PKNOX2: variants seen among roughly 807,000 people sequenced by gnomAD.
The protein encoded by PKNOX2 is PBX/knotted 1 homeobox 2.
Under a neutral mutation model 53.1 loss-of-function variants are expected in PKNOX2, and 14 were observed. That is an observed-to-expected ratio of 0.26 (90% confidence interval 0.17 to 0.41). The LOEUF (loss-of-function observed/expected upper bound fraction) is 0.41, where lower values mean the gene tolerates loss of function less well. Ranked by LOEUF, PKNOX2 falls within the 10% of genes least tolerant of loss-of-function variation. The pLI, the probability that PKNOX2 is intolerant of heterozygous loss-of-function variation, is 1.00. For synonymous variants in PKNOX2, 257 were observed against 242.8 expected, an observed-to-expected ratio of 1.06 and a Z score of -0.54; for missense variants, 496 against 602.8, an observed-to-expected ratio of 0.82 and a Z score of 1.85.
chr11:125,396,948 T>C (rs1954445460), intron 6 of PKNOX2, among the ~76,000 whole-genome samples: 1 of 152,234 alleles, frequency 6.6e-6, no homozygotes, highest in African/African-American at 2.4e-5. Flanking sequence ...TGCACAAGGT[T>C]ATTGAAACTA....
At chr11:125,362,531 A>T (rs1023115333) in intron 4 of PKNOX2, among the ~76,000 whole-genome samples, 33 of 151,982 alleles carry the variant, frequency 2.2e-4, no homozygotes, top group Non-Finnish European at 4.0e-4. Flanking sequence ...CACCGCATCC[A>T]GCCAATTTAT....
intron 2 of PKNOX2, among the ~76,000 whole-genome samples, chr11:125,293,084 C>T (rs577596636): frequency 6.6e-6 from 1 of 152,196 alleles, no homozygotes; most frequent in Admixed American, 6.5e-5. Context: ...CTTGTATATG[C>T]ATAGAATCTC....
At chr11:125,272,559 T>C in intron 2 of PKNOX2, among the ~76,000 whole-genome samples, 1 of 152,140 alleles carries the variant, frequency 6.6e-6, no homozygotes, top group East Asian at 1.9e-4. Context: ...TTCCGTGCCC[T>C]CTCTCCCCTT....
chr11:125,321,176 T>G (rs1949495597), intron 2 of PKNOX2, among the ~76,000 whole-genome samples: 1 of 152,222 alleles, frequency 6.6e-6, no homozygotes, highest in Non-Finnish European at 1.5e-5. Flanking sequence ...AAGTGGAATC[T>G]GTATAGGAGA....
At position 125,241,787 on chromosome 11, in the gene PKNOX2, G is replaced by A. The variant is rs1036762933; in HGVS notation, c.-130+6672G>A. 7.2e-5 allele frequency among the ~76,000 whole-genome samples: 11 copies of A among 152,280 alleles called. No individual in the cohort carries two copies. In the East Asian group the frequency reaches 2.1e-3, roughly 29 times the overall value. The stretch of plus-strand genomic sequence containing the variant: ...GGAGAATTGCTTGAACCCAGGAGGT[G>A]GAGGTTGCAGTGAGCTGAGATCATG... On this transcript the variant is annotated intron_variant, in intron 2 of 12. Coordinates refer to ENST00000298282, the MANE Select transcript of PKNOX2 (RefSeq NM_001382323.2).
intron 2 of PKNOX2, among the ~76,000 whole-genome samples, chr11:125,317,789 A>G (rs569464881): frequency 1.3e-5 from 2 of 152,306 alleles, no homozygotes; most frequent in Admixed American, 1.3e-4. Flanking sequence ...GCTTCAACCT[A>G]AAGTCACCAG....
intron 2 of PKNOX2, among the ~76,000 whole-genome samples, chr11:125,315,667 T>C (rs1949137446): frequency 6.6e-6 from 1 of 152,200 alleles, no homozygotes; most frequent in Non-Finnish European, 1.5e-5. Context: ...GAGGGCGTAG[T>C]GACCCGCTCC....
chr11:125,322,528 C>T (rs1035793), intron 2 of PKNOX2, among the ~76,000 whole-genome samples: 6,230 of 152,278 alleles, frequency 0.041, 417 homozygotes, highest in African/African-American at 0.14. Flanking sequence ...CCACCTTCCC[C>T]GCCCCACCCA....
chr11:125,267,646 C>A (rs1165791173), intron 2 of PKNOX2, among the ~76,000 whole-genome samples: 5 of 152,200 alleles, frequency 3.3e-5, no homozygotes, highest in African/African-American at 1.2e-4. Flanking sequence ...ACTGATAGCT[C>A]AGATTTCTAC....
chr11:125,397,806 C>A (rs1251045900), intron 6 of PKNOX2, 68 bp from the exon 7 acceptor site: 6 of 1,493,968 alleles, frequency 4.0e-6, no homozygotes, highest in Non-Finnish European at 5.5e-6. Context: ...GTGGTGGGGG[C>A]TGGGGGTCCA....
At chr11:125,289,938 G>T (rs570677665) in intron 2 of PKNOX2, among the ~76,000 whole-genome samples, 10 of 152,226 alleles carry the variant, frequency 6.6e-5, no homozygotes, top group African/African-American at 1.9e-4. Flanking sequence ...TTGAGGGCTG[G>T]GTCTTTCCTG....
chr11:125,170,502 G>A (rs987404218), intron 1 of PKNOX2, among the ~76,000 whole-genome samples: 16 of 152,196 alleles, frequency 1.1e-4, no homozygotes, highest in African/African-American at 3.6e-4. Context: ...ACCCCCAGGA[G>A]AGAGGGAGAA....
chr11:125,167,259 T>A (rs1018075720), intron 1 of PKNOX2, among the ~76,000 whole-genome samples: 1 of 152,008 alleles, frequency 6.6e-6, no homozygotes, highest in Non-Finnish European at 1.5e-5. Flanking sequence ...CCTCTTAATA[T>A]TAAACCCACC....
chr11:125,355,273 AAAAGAAAAAAAAAAAAAAAAG>A, intron 4 of PKNOX2, among the ~76,000 whole-genome samples: 1 of 143,674 alleles, frequency 7.0e-6, no homozygotes, highest in South Asian at 2.3e-4. Context: ...TCTCAAAAAA[AAAAGAAAAAAAAAAAAAAAAG>A]AAAGAAAGAA....
chr11:125,297,877 T>A (rs1349463531), intron 2 of PKNOX2, among the ~76,000 whole-genome samples: 1 of 152,146 alleles, frequency 6.6e-6, no homozygotes, highest in South Asian at 2.1e-4. Context: ...ACCCTTCCCA[T>A]AGATTAGCTC....
intron 4 of PKNOX2, among the ~76,000 whole-genome samples, chr11:125,353,530 T>C (rs1015205415): frequency 6.6e-6 from 1 of 152,212 alleles, no homozygotes; most frequent in Admixed American, 6.5e-5. Context: ...AAGTCACCAC[T>C]GAGCTGCTCT....
chr11:125,166,076 C>G lies in PKNOX2; in HGVS notation c.-201+1300C>G, dbSNP rs569921315. Among the ~76,000 whole-genome samples the G allele has an allele frequency of 6.6e-6, 1 of 151,866 alleles. No individual in the cohort carries two copies. ...TGGGTTTTAGGACCAGTCTAGAGTT[C>G]GGTTTATAGGATCCAGACTGTTTAC... On this transcript the variant is annotated intron_variant, in intron 1 of 12. Transcript: ENST00000298282. The surrounding 1 kb of genome is among the most constrained non-coding windows in gnomAD (Gnocchi z 4.0).
chr11:125,198,106 G>A (rs1046214312), intron 1 of PKNOX2, among the ~76,000 whole-genome samples: 7 of 152,242 alleles, frequency 4.6e-5, no homozygotes, highest in Non-Finnish European at 1.0e-4. Flanking sequence ...ACAGTCTGGG[G>A]TGGGCCTGGT....
intron 6 of PKNOX2, among the ~76,000 whole-genome samples, chr11:125,391,887 TG>T (rs1429284143): frequency 6.6e-6 from 1 of 152,246 alleles, no homozygotes; most frequent in Non-Finnish European, 1.5e-5. Flanking sequence ...TAAGTGGCAT[TG>T]TTATTGCCCT....
Sources: gnomAD v4.1 joint callset for allele counts (sites outside exome capture counted in the v4.1 genomes callset) on GRCh38, gnomAD v4.1.1 for gene constraint, Gnocchi (gnomAD v3.1) non-coding constraint, MANE v1.5 for transcripts, NCBI Gene and HGNC (gene_info 2026-07-23, HGNC 2026-07-21) for gene names.